The following CIRSR variants were observed in gnomAD, a reference collection of about 807,000 sequenced individuals.
CIRSR encodes CBF1 (RBPJ) interacting corepressor 1.
chr2:174,362,868 G>A, the CIRSR span, among the ~76,000 whole-genome samples: 4 of 151,984 alleles, frequency 2.6e-5, no homozygotes, highest in Non-Finnish European at 4.4e-5. Context: ...TTGACTAATT[G>A]TTGGAGACTG....
the CIRSR span, chr2:174,395,688 T>A: frequency 6.2e-7 from 1 of 1,613,168 alleles, no homozygotes; most frequent in Non-Finnish European, 8.5e-7. Flanking sequence ...CTCAGCCGCC[T>A]AACCGGAACT....
At chr2:174,353,849 T>C in the CIRSR span, among the ~76,000 whole-genome samples, 1 of 152,212 alleles carries the variant, frequency 6.6e-6, no homozygotes, top group Admixed American at 6.5e-5. Flanking sequence ...TTTTATAAAG[T>C]AGAAAATGTC....
the CIRSR span, chr2:174,348,679 G>A: frequency 5.6e-6 from 9 of 1,614,100 alleles, no homozygotes; most frequent in East Asian, 4.5e-5. Context: ...CTTCTGCTCC[G>A]GCTTCTCCGG....
chr2:174,385,148 G>A, the CIRSR span, among the ~76,000 whole-genome samples: 1 of 149,292 alleles, frequency 6.7e-6, no homozygotes, highest in African/African-American at 2.5e-5. Flanking sequence ...CCAGAAGTTT[G>A]AGGCTGCAGT....
chr2:174,378,883 T>G, the CIRSR span: 29 of 1,385,014 alleles, frequency 2.1e-5, no homozygotes, highest in African/African-American at 4.1e-4. Flanking sequence ...TATCTTTCCT[T>G]GTTTGTCCTC....
the CIRSR span, among the ~76,000 whole-genome samples, chr2:174,354,432 AT>A: frequency 3.7e-3 from 180 of 48,308 alleles, 4 homozygotes; most frequent in Admixed American, 0.025. Flanking sequence ...ATATTATATG[AT>A]ATATATAATA....
the CIRSR span, among the ~76,000 whole-genome samples, chr2:174,389,434 T>A: frequency 6.6e-6 from 1 of 152,142 alleles, no homozygotes; most frequent in Non-Finnish European, 1.5e-5. Context: ...GCCCCAGAGA[T>A]CTGTGGAACT....
the CIRSR span, among the ~76,000 whole-genome samples, chr2:174,365,928 A>T: frequency 5.7e-3 from 865 of 152,350 alleles, 5 homozygotes; most frequent in Middle Eastern, 0.017. Flanking sequence ...TCAGACTGGG[A>T]ATCTAAAATA....
the CIRSR span, among the ~76,000 whole-genome samples, chr2:174,390,993 G>A: frequency 1.3e-5 from 2 of 152,168 alleles, no homozygotes; most frequent in African/African-American, 2.4e-5. Flanking sequence ...AGCAGCATGA[G>A]AACAGACTAA....
At chr2:174,388,871 T>C in the CIRSR span, among the ~76,000 whole-genome samples, 1 of 152,186 alleles carries the variant, frequency 6.6e-6, no homozygotes, top group Admixed American at 6.5e-5. Context: ...CACTTCATGC[T>C]GTTCTCATGA....
the CIRSR span, among the ~76,000 whole-genome samples, chr2:174,359,106 G>A: frequency 2.6e-5 from 4 of 151,772 alleles, no homozygotes; most frequent in African/African-American, 7.3e-5. Context: ...ATACAAAAGA[G>A]TACCTACTGT....
the CIRSR span, among the ~76,000 whole-genome samples, chr2:174,354,676 A>AT: frequency 2.4e-4 from 22 of 92,168 alleles, no homozygotes; most frequent in African/African-American, 8.5e-4. Flanking sequence ...TATATTATAT[A>AT]TTTTATATAT....
the CIRSR span, among the ~76,000 whole-genome samples, chr2:174,377,824 C>CA: frequency 0.28 from 16,532 of 59,050 alleles, 2,678 homozygotes; most frequent in African/African-American, 0.45. Flanking sequence ...GACGCCATCT[C>CA]AAAAAAAAAA....
At chr2:174,350,240 A>G in the CIRSR span, among the ~76,000 whole-genome samples, 1 of 152,170 alleles carries the variant, frequency 6.6e-6, no homozygotes. Context: ...CTTTTAATTC[A>G]GAGGTAGTCT....
the CIRSR span, among the ~76,000 whole-genome samples, chr2:174,356,794 T>C: frequency 6.6e-6 from 1 of 152,216 alleles, no homozygotes; most frequent in Non-Finnish European, 1.5e-5. Flanking sequence ...CTATTTTTTT[T>C]CCCTTCTCAT....
the CIRSR span, among the ~76,000 whole-genome samples, chr2:174,392,084 G>A: frequency 6.6e-6 from 1 of 152,112 alleles, no homozygotes; most frequent in Non-Finnish European, 1.5e-5. Flanking sequence ...TGCAATCTCC[G>A]CCTCCCGGGT....
the CIRSR span, among the ~76,000 whole-genome samples, chr2:174,384,213 C>T: frequency 4.6e-5 from 7 of 152,170 alleles, no homozygotes; most frequent in Admixed American, 4.6e-4. Context: ...AGTGCTGATA[C>T]ATATTACAAC....
chr2:174,390,966 C>G, the CIRSR span, among the ~76,000 whole-genome samples: 5 of 152,328 alleles, frequency 3.3e-5, no homozygotes, highest in African/African-American at 1.2e-4. Flanking sequence ...ATTACCCAGT[C>G]TCAGGTATTT....
At chr2:174,373,077 T>C in the CIRSR span, among the ~76,000 whole-genome samples, 1 of 152,244 alleles carries the variant, frequency 6.6e-6, no homozygotes, top group South Asian at 2.1e-4. Flanking sequence ...ACCTTGATGA[T>C]GCCTAAGAAA....
Sources: allele counts gnomAD v4.1 joint callset (sites outside exome capture counted in the v4.1 genomes callset), GRCh38; gene constraint gnomAD v4.1.1; transcripts MANE v1.5; gene names NCBI Gene and HGNC (gene_info 2026-07-23, HGNC 2026-07-21).